The following GNAS-AS1 variants were observed in gnomAD, a reference collection of about 807,000 sequenced individuals.
The protein encoded by GNAS-AS1 is GNAS antisense RNA 1 (non-protein coding).
At chr20:58,833,921 T>C (rs1046538373) in intron 4 of GNAS-AS1, 4 of 152,232 alleles carry the variant, frequency 2.6e-5, no homozygotes, top group Admixed American at 6.5e-5. Flanking sequence ...CTGAAGATAA[T>C]TGCCTCAATT....
At chr20:58,838,052 CAAG>C (rs2085619783) in intron 4 of GNAS-AS1, among the ~76,000 whole-genome samples, 1 of 152,164 alleles carries the variant, frequency 6.6e-6, no homozygotes, top group Non-Finnish European at 1.5e-5. Flanking sequence ...CATACTGACT[CAAG>C]AAGGAGAAAA....
chr20:58,847,684 G>C (rs2085988086), intron 2 of GNAS-AS1, among the ~76,000 whole-genome samples: 1 of 152,170 alleles, frequency 6.6e-6, no homozygotes, highest in African/African-American at 2.4e-5. Flanking sequence ...CAAAGCCGCA[G>C]ACCAAAAGGA....
chr20:58,850,433 T>C (rs6128447), intron 1 of GNAS-AS1: 3 of 397,562 alleles, frequency 7.5e-6, no homozygotes, highest in Admixed American at 4.4e-5. Context: ...CGACAAATGG[T>C]ACTTTGGGGG....
At chr20:58,847,197 T>C (rs6123833) in intron 2 of GNAS-AS1, among the ~76,000 whole-genome samples, 61,412 of 152,070 alleles carry the variant, frequency 0.4, 14,621 homozygotes, top group East Asian at 0.78. Flanking sequence ...CGATGGGGGC[T>C]TTTTAATCTG....
intron 2 of GNAS-AS1, among the ~76,000 whole-genome samples, chr20:58,846,502 T>C (rs941083498): frequency 1.3e-5 from 2 of 152,226 alleles, no homozygotes; most frequent in African/African-American, 2.4e-5. Flanking sequence ...AGTACTTCAA[T>C]TGCTACACTC....
At chr20:58,831,752 T>C (rs2085570020) in intron 4 of GNAS-AS1, among the ~76,000 whole-genome samples, 1 of 152,222 alleles carries the variant, frequency 6.6e-6, no homozygotes, top group African/African-American at 2.4e-5. Flanking sequence ...TTTATTTATT[T>C]TCAAAGACTC....
chr20:58,835,647 C>T (rs1265802242), intron 4 of GNAS-AS1, among the ~76,000 whole-genome samples: 1 of 152,190 alleles, frequency 6.6e-6, no homozygotes, highest in Non-Finnish European at 1.5e-5. Flanking sequence ...TGTCAGCAAT[C>T]TGGTTTTAAT....
intron 4 of GNAS-AS1, among the ~76,000 whole-genome samples, chr20:58,837,307 T>C (rs2085610205): frequency 6.6e-6 from 1 of 152,176 alleles, no homozygotes; most frequent in Non-Finnish European, 1.5e-5. Flanking sequence ...GCCCCATTAG[T>C]TGGGACTCAG....
intron 4 of GNAS-AS1, among the ~76,000 whole-genome samples, chr20:58,835,616 TG>T (rs2085597442): frequency 6.6e-6 from 1 of 152,246 alleles, no homozygotes; most frequent in Admixed American, 6.5e-5. Flanking sequence ...CTATCTGGGC[TG>T]GAATGTATTA....
intron 4 of GNAS-AS1, among the ~76,000 whole-genome samples, chr20:58,821,642 T>C (rs1396567606): frequency 6.6e-6 from 1 of 152,092 alleles, no homozygotes; most frequent in Admixed American, 6.5e-5. Context: ...AACCCTAGCG[T>C]CCCTTGGAAG....
At chr20:58,836,434 A>G (rs951659121) in intron 4 of GNAS-AS1, 4 of 152,210 alleles carry the variant, frequency 2.6e-5, no homozygotes, top group African/African-American at 9.6e-5. Context: ...AGCTAGAGAC[A>G]ATATTCTTCA....
At chr20:58,845,006 C>T (rs367691546) in intron 2 of GNAS-AS1, among the ~76,000 whole-genome samples, 1 of 149,732 alleles carries the variant, frequency 6.7e-6, no homozygotes, top group South Asian at 2.2e-4. Flanking sequence ...ACTTAGCCAT[C>T]CTGAGAGTCG....
chr20:58,829,003 A>G (rs1356475093), intron 4 of GNAS-AS1, among the ~76,000 whole-genome samples: 2 of 136,848 alleles, frequency 1.5e-5, no homozygotes, highest in African/African-American at 5.6e-5. Flanking sequence ...CCACTGCCCC[A>G]CTCAACATGG....
chr20:58,835,772 T>C (rs2085598579), intron 4 of GNAS-AS1, among the ~76,000 whole-genome samples: 1 of 152,248 alleles, frequency 6.6e-6, no homozygotes, highest in Non-Finnish European at 1.5e-5. Context: ...TAGAAGTGGC[T>C]CAATTTATGA....
chr20:58,830,606 TCAC>T (rs1162138288), intron 4 of GNAS-AS1, among the ~76,000 whole-genome samples: 1 of 61,050 alleles, frequency 1.6e-5, no homozygotes, highest in African/African-American at 7.0e-5. Context: ...ACCACCACCA[TCAC>T]CACCACACCA....
At chr20:58,828,211 C>T (rs1159001790) in intron 4 of GNAS-AS1, among the ~76,000 whole-genome samples, 1 of 152,226 alleles carries the variant, frequency 6.6e-6, no homozygotes, top group Admixed American at 6.5e-5. Flanking sequence ...TTACTAAAGA[C>T]ATGGTATAGT....
chr20:58,835,469 T>C (rs2145461272), intron 4 of GNAS-AS1, among the ~76,000 whole-genome samples: 1 of 152,298 alleles, frequency 6.6e-6, no homozygotes, highest in South Asian at 2.1e-4. Context: ...ACAAGTGGAT[T>C]GAAAGCAATT....
intron 2 of GNAS-AS1, chr20:58,844,211 G>C (rs978763090): frequency 6.6e-6 from 1 of 152,196 alleles, no homozygotes; most frequent in African/African-American, 2.4e-5. Flanking sequence ...AGTAAAGCAT[G>C]TCTCCTAACT....
At chr20:58,848,727 C>T (rs1471173743) in intron 2 of GNAS-AS1, among the ~76,000 whole-genome samples, 1 of 152,202 alleles carries the variant, frequency 6.6e-6, no homozygotes, top group Non-Finnish European at 1.5e-5. Context: ...AGTAAACCCA[C>T]TAGCCGATCA....
Sources: allele counts gnomAD v4.1 joint callset (sites outside exome capture counted in the v4.1 genomes callset), GRCh38; gene constraint gnomAD v4.1.1; transcripts MANE v1.5; gene names NCBI Gene and HGNC (gene_info 2026-07-23, HGNC 2026-07-21).